BICC1: variants seen among roughly 807,000 people sequenced by gnomAD.
The protein encoded by BICC1 is protein bicaudal C homolog 1.
Under a neutral mutation model 111.0 loss-of-function variants are expected in BICC1, and 43 were observed. That is an observed-to-expected ratio of 0.39 (90% confidence interval 0.30 to 0.50). The LOEUF (loss-of-function observed/expected upper bound fraction) is 0.50, where lower values mean the gene tolerates loss of function less well. BICC1 is among the 20% of genes least tolerant of loss of function. The pLI is 0.88. For missense variants in BICC1, 1,091 were observed against 1,203.2 expected, an observed-to-expected ratio of 0.91 and a Z score of 1.38; for synonymous variants, 467 against 434.4, an observed-to-expected ratio of 1.07 and a Z score of -0.93.
chr10:58,604,968 C>T (rs1423194744), intron 1 of BICC1, among the ~76,000 whole-genome samples: 1 of 152,136 alleles, frequency 6.6e-6, no homozygotes, highest in Middle Eastern at 3.2e-3. Flanking sequence ...TATCTATGTT[C>T]TCTCTTATGA....
At chr10:58,799,948 C>T (rs914095773) in intron 12 of BICC1, among the ~76,000 whole-genome samples, 2 of 152,094 alleles carry the variant, frequency 1.3e-5, no homozygotes, top group Admixed American at 1.3e-4. Context: ...GGCAGTATGG[C>T]CAGTTTAATG....
At chr10:58,753,547 C>T (rs778951781) in intron 3 of BICC1, among the ~76,000 whole-genome samples, 4 of 151,978 alleles carry the variant, frequency 2.6e-5, no homozygotes, top group Admixed American at 6.6e-5. Flanking sequence ...AATTTTTTTC[C>T]ACAAGATGAG....
chr10:58,750,413 A>G (rs1427272570), intron 3 of BICC1, among the ~76,000 whole-genome samples: 1 of 152,194 alleles, frequency 6.6e-6, no homozygotes, highest in African/African-American at 2.4e-5. Flanking sequence ...GAAGAAAAAA[A>G]ATGCCACTGT....
At chr10:58,605,734 G>A (rs749278062) in intron 1 of BICC1, among the ~76,000 whole-genome samples, 11 of 152,334 alleles carry the variant, frequency 7.2e-5, no homozygotes, top group Non-Finnish European at 1.3e-4. Context: ...AAAAAAGGCT[G>A]TATTTGTTTA....
At chr10:58,759,974 A>G (rs1039808658) in intron 3 of BICC1, among the ~76,000 whole-genome samples, 4 of 151,974 alleles carry the variant, frequency 2.6e-5, no homozygotes, top group African/African-American at 4.8e-5. Context: ...AAAAGAAAAA[A>G]AAAAAAAAAA....
intron 2 of BICC1, among the ~76,000 whole-genome samples, chr10:58,657,107 C>T (rs576268154): frequency 1.2e-4 from 18 of 152,240 alleles, no homozygotes; most frequent in African/African-American, 3.6e-4. Context: ...CTTCTCCTCA[C>T]GTGCGCCATT....
In BICC1 at chr10:58,789,834, T is replaced by C. The variant is rs113090995; in HGVS notation, c.948T>C (p.Ala316=). ...NIKHIMQRTG[A]QIHFPDPSNP... is the part of the protein sequence containing the mutation. Reference sequence around the variant, plus strand: ...AACATATCATGCAGAGAACAGGTGCTCAGATCCACTTTCCTGATCCCAGTA... The same window carrying C: ...AACATATCATGCAGAGAACAGGTGCCCAGATCCACTTTCCTGATCCCAGTA... The change falls in exon 8 of 21, where the codon GCT becomes GCC. Residue 316 remains alanine, a synonymous_variant. Transcript: ENST00000373886. 6.2e-7 allele frequency: 1 copy of C among 1,614,162 alleles called. No homozygotes were observed. The highest frequency in any genetic ancestry group is 8.5e-7 in the Non-Finnish European group (1 of 1,180,026).
At position 58,597,283 on chromosome 10, in the gene BICC1, A is replaced by AG. The variant is rs1844847295; in HGVS notation, c.191-23567dup. ...TTTTTATTAAGGGTTTCAAAAGGGG[A>AG]GGGGGTGTAAGAACAGGGAGTAGGT... On this transcript the variant is annotated intron_variant, in intron 1 of 20. Coordinates refer to ENST00000373886, the MANE Select transcript of BICC1 (RefSeq NM_001080512.3). Among the ~76,000 whole-genome samples, 2 of 152,042 alleles carry AG rather than the reference A, an allele frequency of 1.3e-5. 1 individual carries two copies. The highest frequency in any genetic ancestry group is 4.1e-4 in the South Asian group (2 of 4,822).
intron 3 of BICC1, among the ~76,000 whole-genome samples, chr10:58,757,151 G>C (rs1213348583): frequency 6.6e-6 from 1 of 152,128 alleles, no homozygotes; most frequent in Non-Finnish European, 1.5e-5. Flanking sequence ...AATATACAAG[G>C]ACTGTATATA....
intron 14 of BICC1, among the ~76,000 whole-genome samples, chr10:58,801,983 A>G (rs570985868): frequency 1.3e-5 from 2 of 152,304 alleles, no homozygotes; most frequent in Non-Finnish European, 2.9e-5. Flanking sequence ...CCTTCTTATC[A>G]TCATCTTTTG....
intron 1 of BICC1, among the ~76,000 whole-genome samples, chr10:58,515,538 T>TGTTA (rs1474097310): frequency 1.3e-5 from 2 of 152,230 alleles, no homozygotes; most frequent in African/African-American, 4.8e-5. Flanking sequence ...TAATGTGTTA[T>TGTTA]GTTACTATGG....
At chr10:58,744,733 G>A (rs1841779459) in intron 3 of BICC1, among the ~76,000 whole-genome samples, 1 of 152,002 alleles carries the variant, frequency 6.6e-6, no homozygotes, top group Admixed American at 6.6e-5. Flanking sequence ...AAATTCAGAT[G>A]TCTCTCTCTG....
At chr10:58,767,447 C>T (rs1237726997) in intron 3 of BICC1, among the ~76,000 whole-genome samples, 1 of 152,094 alleles carries the variant, frequency 6.6e-6, no homozygotes, top group African/African-American at 2.4e-5. Flanking sequence ...CTCCCCAAAG[C>T]TAGTCAGTAA....
rs369483336 is a variant in BICC1, at chr10:58,706,631, T to C, written c.307+4488T>C. 1.3e-4 allele frequency among the ~76,000 whole-genome samples: 20 copies of C among 152,198 alleles called. No homozygotes were observed. The East Asian group carries it at 2.7e-3, about 21-fold the overall frequency. ...GGAGGTGATTGGATCATGGGGGTGG[T>C]TTCCTTCCACGCTGTTCTCATGATA... is the stretch of plus-strand genomic sequence containing the variant. On this transcript the variant is annotated intron_variant, in intron 3 of 20. Coordinates refer to ENST00000373886, the MANE Select transcript of BICC1 (RefSeq NM_001080512.3).
rs988844619 is a variant in BICC1, at chr10:58,781,484, A to G, written c.308-3517A>G. Among the ~76,000 whole-genome samples, 15 of 152,202 alleles carry G rather than the reference A, an allele frequency of 9.9e-5. No homozygotes were observed. In the East Asian group the frequency reaches 2.9e-3, roughly 29 times the overall value. On this transcript the variant is annotated intron_variant, in intron 3 of 20. Transcript: ENST00000373886. ...AAGTAGTAAATTTTTTTTTAAGAGT[A>G]AATGTCTCAAAACCTTTATGCCTAA...
chr10:58,542,144 C>A, intron 1 of BICC1, among the ~76,000 whole-genome samples: 1 of 111,384 alleles, frequency 9.0e-6, no homozygotes, highest in Admixed American at 1.3e-4. Context: ...GAGCAAGACC[C>A]TGTCTCAAAA....
intron 2 of BICC1, among the ~76,000 whole-genome samples, chr10:58,676,015 C>A (rs1450214257): frequency 5.3e-5 from 8 of 152,126 alleles, no homozygotes; most frequent in African/African-American, 1.9e-4. Context: ...AGTCGCCTCA[C>A]CTGGGAAGTG....
chr10:58,710,762 G>C (rs1840548525), intron 3 of BICC1, among the ~76,000 whole-genome samples: 2 of 152,142 alleles, frequency 1.3e-5, no homozygotes. Flanking sequence ...TTTTCTGTAT[G>C]TGTGGTTGAA....
intron 20 of BICC1, among the ~76,000 whole-genome samples, chr10:58,827,703 A>G (rs748496633): frequency 1.3e-5 from 2 of 152,202 alleles, no homozygotes; most frequent in Admixed American, 6.5e-5. Flanking sequence ...GGATTCTTCT[A>G]TGATAAAACA....
Sources: allele counts gnomAD v4.1 joint callset (sites outside exome capture counted in the v4.1 genomes callset), GRCh38; gene constraint gnomAD v4.1.1; transcripts MANE v1.5; gene names NCBI Gene and HGNC (gene_info 2026-07-23, HGNC 2026-07-21).